Variants in LITAF observed in about 807,000 individuals in gnomAD.
The protein encoded by LITAF is lipopolysaccharide induced TNF factor.
In LITAF, 9 loss-of-function variants were observed where a neutral mutation model predicts 14.5. That is an observed-to-expected ratio of 0.62 (90% CI 0.37 to 1.08). The LOEUF (loss-of-function observed/expected upper bound fraction) is 1.08, where lower values mean the gene tolerates loss of function less well. Ranked by LOEUF, LITAF falls within the 50% of genes least tolerant of loss-of-function variation. LITAF has a pLI of 0.01. For synonymous variants in LITAF, 98 were observed against 88.2 expected (o/e 1.11, Z -0.62); for missense variants, 206 against 213.4 (o/e 0.97, Z 0.22).
At chr16:11,589,913 C>T (rs371988034), upstream of LITAF, among the ~76,000 whole-genome samples, 924 of 55,844 alleles carry the variant, frequency 0.017, 35 homozygotes, top group African/African-American at 0.036. Context: ...TGTGAGGCAC[C>T]ACACCCAGCC....
chr16:11,584,499 T>C (rs1476268024), intron 1 of LITAF, among the ~76,000 whole-genome samples: 2 of 152,194 alleles, frequency 1.3e-5, no homozygotes, highest in Admixed American at 6.5e-5. Flanking sequence ...TTCCTCTCAG[T>C]GGATTTTCCA....
chr16:11,631,552 T>G lies in LITAF; in HGVS notation c.85+1981A>C, dbSNP rs193299637. Among the ~76,000 whole-genome samples the G allele has an allele frequency of 5.9e-5, 9 of 152,310 alleles. No homozygotes were observed. The East Asian group carries it at 1.7e-3, about 29-fold the overall frequency. ...TACAGGCACATGCCACACAGCTGGC[T>G]AAGTTTTTCATATTTTTGGTAGAGA... On this transcript the variant is annotated intron_variant, in intron 3 of 3. Transcript: ENST00000574848.
At chr16:11,626,629 C>A (rs1199731477) in intron 3 of LITAF, among the ~76,000 whole-genome samples, 1 of 151,854 alleles carries the variant, frequency 6.6e-6, no homozygotes, top group African/African-American at 2.4e-5. Context: ...TGAGCCACCG[C>A]GCCCAGCCTG....
At chr16:11,582,446 A>G (rs2064752915) in intron 1 of LITAF, among the ~76,000 whole-genome samples, 1 of 152,198 alleles carries the variant, frequency 6.6e-6, no homozygotes, top group Non-Finnish European at 1.5e-5. Flanking sequence ...AGATCAACAC[A>G]TAAAAGGGCA....
At chr16:11,630,979 A>G (rs985050617) in intron 3 of LITAF, among the ~76,000 whole-genome samples, 2 of 152,084 alleles carry the variant, frequency 1.3e-5, no homozygotes, top group Non-Finnish European at 2.9e-5. Context: ...TTCTGTTTGC[A>G]CCCAACTCAT....
In LITAF at chr16:11,634,705, C is replaced by T. The variant is rs1246484113; in HGVS notation, c.-20-1068G>A. On this transcript the variant is annotated intron_variant, in intron 2 of 3. Transcript: ENST00000574848. This position sits in a 1 kb window ranked among gnomAD's most constrained non-coding sequence, Gnocchi z 4.1. ...ACGAACTATCCTTGAAAAACCCTAG[C>T]CTCTGAATTTTCAGGGAGACTGACT... Among the ~76,000 whole-genome samples, 1 of 152,144 alleles carries T rather than the reference C, an allele frequency of 6.6e-6. No homozygotes were observed. The highest frequency in any genetic ancestry group is 2.4e-5 in the African/African-American group (1 of 41,438).
intron 1 of LITAF, among the ~76,000 whole-genome samples, chr16:11,571,569 G>GGGCA (rs2064541680): frequency 6.6e-6 from 1 of 152,134 alleles, no homozygotes; most frequent in African/African-American, 2.4e-5. Context: ...CCACAGCAGG[G>GGGCA]GGCACCAGGC....
At chr16:11,578,402 A>G (rs8046124) in intron 1 of LITAF, among the ~76,000 whole-genome samples, 11,022 of 152,092 alleles carry the variant, frequency 0.072, 626 homozygotes, top group African/African-American at 0.15. Flanking sequence ...ATACAGGCAC[A>G]TGCCTGTAAT....
intron 1 of LITAF, among the ~76,000 whole-genome samples, chr16:11,559,668 G>C (rs1014339931): frequency 6.6e-6 from 1 of 151,596 alleles, no homozygotes; most frequent in African/African-American, 2.4e-5. Context: ...AAAATGTATT[G>C]TTAATTTCAC....
chr16:11,611,167 T>C (rs1423622381), intron 3 of LITAF, among the ~76,000 whole-genome samples: 1 of 151,168 alleles, frequency 6.6e-6, no homozygotes, highest in Non-Finnish European at 1.5e-5. Flanking sequence ...TAGGCAAAAA[T>C]AGTGAGACAA....
At chr16:11,621,627 C>A (rs191082209) in intron 3 of LITAF, among the ~76,000 whole-genome samples, 1 of 152,306 alleles carries the variant, frequency 6.6e-6, no homozygotes, top group Admixed American at 6.5e-5. Flanking sequence ...ACATCCCAGC[C>A]CCCTTGCCCC....
chr16:11,550,732 G>C (rs2064169845), intron 3 of LITAF, among the ~76,000 whole-genome samples: 1 of 152,108 alleles, frequency 6.6e-6, no homozygotes, highest in Non-Finnish European at 1.5e-5. Flanking sequence ...CTGGCCTCAA[G>C]TGATCCTTCC....
upstream of LITAF, among the ~76,000 whole-genome samples, chr16:11,590,952 C>T (rs2064842744): frequency 2.6e-5 from 3 of 115,190 alleles, 1 homozygote; most frequent in Non-Finnish European, 5.2e-5. Context: ...AGGCTGGTCT[C>T]GAACTCCTGG....
chr16:11,577,403 C>T (rs2064657121), intron 1 of LITAF, among the ~76,000 whole-genome samples: 2 of 150,594 alleles, frequency 1.3e-5, no homozygotes, highest in African/African-American at 4.9e-5. Context: ...CTGCAAGCTC[C>T]ACCTTCCAGG....
At position 11,551,772 on chromosome 16, in the gene LITAF, C is replaced by T. The variant is rs576853593; in HGVS notation, c.377+1761G>A. Reference sequence around the variant, plus strand: ...GCAGGAGCCCAGGAGATCAAAGCTGCGGAGAGCTACGATCGTACCACTGCA... The same window carrying T: ...GCAGGAGCCCAGGAGATCAAAGCTGTGGAGAGCTACGATCGTACCACTGCA... On this transcript the variant is annotated intron_variant, in intron 3 of 3. Transcript: ENST00000622633. 36 of 684,142 alleles carry T rather than the reference C, an allele frequency of 5.3e-5. No individual in the cohort carries two copies. The Middle Eastern group carries it at 1.1e-3, about 20-fold the overall frequency. 42.4% of individuals were successfully genotyped at this position (684,142 alleles called of 1,614,324 possible).
chr16:11,597,445 C>T (rs2141859382), intron 1 of LITAF, among the ~76,000 whole-genome samples: 1 of 152,282 alleles, frequency 6.6e-6, no homozygotes, highest in Middle Eastern at 3.4e-3. Context: ...CCAGACTCCT[C>T]TCTCCCAGCA....
Position 11,634,378 on chromosome 16 carries a change from T to A in LITAF, c.-20-741A>T. Among the ~76,000 whole-genome samples the A allele has an allele frequency of 6.6e-6, 1 of 152,180 alleles. No homozygotes were observed. The highest frequency in any genetic ancestry group is 1.5e-5 in the Non-Finnish European group (1 of 68,030). ...CCCTTCCCCAAAACTCAACCGCCTT[T>A]GTGAAGGTAACAAAAGGCCACCAGG... On this transcript the variant is annotated intron_variant, in intron 2 of 3. Coordinates refer to the LITAF transcript ENST00000574848. This position sits in a 1 kb window ranked among gnomAD's most constrained non-coding sequence, Gnocchi z 4.1.
chr16:11,610,160 C>T (rs991429385), intron 3 of LITAF, among the ~76,000 whole-genome samples: 1 of 152,178 alleles, frequency 6.6e-6, no homozygotes, highest in Non-Finnish European at 1.5e-5. Context: ...TGGGGGGACC[C>T]CATAAAGAAG....
At chr16:11,617,716 T>G (rs1022583620) in intron 3 of LITAF, among the ~76,000 whole-genome samples, 5 of 152,002 alleles carry the variant, frequency 3.3e-5, no homozygotes, top group African/African-American at 4.8e-5. Context: ...TGAGTCACCG[T>G]GCCTGGCCTA....
Sources: gnomAD v4.1 joint callset for allele counts (sites outside exome capture counted in the v4.1 genomes callset) on GRCh38, gnomAD v4.1.1 for gene constraint, Gnocchi (gnomAD v3.1) non-coding constraint, MANE v1.5 for transcripts, NCBI Gene and HGNC (gene_info 2026-07-23, HGNC 2026-07-21) for gene names.